SLC38A6: variants seen among roughly 807,000 people sequenced by gnomAD.
SLC38A6 encodes N system amino acid transporter NAT-1.
A neutral mutation model predicts 65.0 loss-of-function variants in SLC38A6; 73 were observed. The observed-to-expected ratio is 1.12, with a 90% CI of 0.93 to 1.37. The LOEUF is 1.37. Among genes scored for constraint, SLC38A6 ranks in the 40% most tolerant of loss-of-function variants. SLC38A6 has a pLI of 0.00. For synonymous variants in SLC38A6, 183 were observed against 178.8 expected, an observed-to-expected ratio of 1.02 and a Z score of -0.19; for missense variants, 561 against 531.1, an observed-to-expected ratio of 1.06 and a Z score of -0.55.
chr14:60,985,713 T>C (rs756037443), intron 3 of SLC38A6, among the ~76,000 whole-genome samples: 23 of 152,222 alleles, frequency 1.5e-4, no homozygotes, highest in Admixed American at 3.9e-4. Flanking sequence ...TGAGGCTGCA[T>C]AATTTATAAA....
At chr14:60,989,565 A>C (rs1036721017) in intron 3 of SLC38A6, among the ~76,000 whole-genome samples, 4 of 152,110 alleles carry the variant, frequency 2.6e-5, no homozygotes, top group Admixed American at 6.5e-5. Context: ...CTCTACAAAA[A>C]AAAATACAAA....
rs1011289822 is a variant in SLC38A6, at chr14:61,045,885, C to CA, written c.825-169dup. Among the ~76,000 whole-genome samples the CA allele has an allele frequency of 5.3e-3, 609 of 115,612 alleles. 6 individuals carry two copies. Among genetic ancestry groups the CA allele is most frequent in the African/African-American group, 0.015 (465 of 31,266 alleles). The allele number at this position is 115,612 out of a possible 152,430, so 75.8% of individuals were successfully genotyped here. On this transcript the variant is annotated intron_variant, in intron 11 of 15. Transcript: ENST00000267488. ...TGGGCGACAGAGCAAGACTCTGTCT[C>CA]AAAAAAAAAAAAAGGAAGAAGTGTA...
intron 3 of SLC38A6, among the ~76,000 whole-genome samples, chr14:61,011,652 G>C (rs1039942864): frequency 9.9e-5 from 15 of 152,126 alleles, no homozygotes; most frequent in Admixed American, 3.9e-4. Flanking sequence ...TGTGGTTTTT[G>C]TCTTTGGCTC....
intron 3 of SLC38A6, chr14:61,004,300 T>A (rs1325439556): frequency 6.6e-6 from 1 of 152,182 alleles, no homozygotes; most frequent in African/African-American, 2.4e-5. Flanking sequence ...GGTTAGCCTT[T>A]TTGATGGGTA....
chr14:61,036,250 A>C (rs547483851), intron 6 of SLC38A6, among the ~76,000 whole-genome samples: 4 of 152,168 alleles, frequency 2.6e-5, no homozygotes, highest in Non-Finnish European at 5.9e-5. Flanking sequence ...TGTTATTTCA[A>C]AATTATCATG....
At chr14:61,012,828 T>A (rs952394027) in intron 3 of SLC38A6, among the ~76,000 whole-genome samples, 1 of 152,160 alleles carries the variant, frequency 6.6e-6, no homozygotes, top group Admixed American at 6.5e-5. Flanking sequence ...TTGGAATAGG[T>A]GTGGTGTGGT....
intron 10 of SLC38A6, among the ~76,000 whole-genome samples, chr14:61,044,521 A>C (rs186779620): frequency 6.6e-6 from 1 of 152,274 alleles, no homozygotes; most frequent in East Asian, 1.9e-4. Context: ...AACCCCCTTC[A>C]GATATTTTAA....
chr14:61,073,154 A>T (rs1009536837), intron 15 of SLC38A6, among the ~76,000 whole-genome samples: 1 of 152,112 alleles, frequency 6.6e-6, no homozygotes, highest in African/African-American at 2.4e-5. Context: ...ACCTTTTCAT[A>T]TGTCTGTTAG....
intron 3 of SLC38A6, among the ~76,000 whole-genome samples, chr14:61,004,026 A>C (rs17834442): frequency 0.24 from 36,101 of 152,104 alleles, 4,694 homozygotes; most frequent in Middle Eastern, 0.3. Context: ...GAGGTTACTA[A>C]AATGTATCCC....
intron 3 of SLC38A6, among the ~76,000 whole-genome samples, chr14:60,994,811 C>G (rs976987907): frequency 6.6e-6 from 1 of 151,638 alleles, no homozygotes; most frequent in Non-Finnish European, 1.5e-5. Context: ...CAAGACCAGC[C>G]TGGCCAACAT....
At chr14:61,030,155 G>A (rs999917052) in intron 5 of SLC38A6, among the ~76,000 whole-genome samples, 1 of 152,098 alleles carries the variant, frequency 6.6e-6, no homozygotes, top group Non-Finnish European at 1.5e-5. Flanking sequence ...TTTAAAAGTA[G>A]CCTGTAATCA....
At chr14:61,026,715 A>G (rs1297177191) in intron 5 of SLC38A6, among the ~76,000 whole-genome samples, 2 of 151,582 alleles carry the variant, frequency 1.3e-5, no homozygotes, top group African/African-American at 4.8e-5. Context: ...TAATAGAACG[A>G]GTTTCTCAAC....
At chr14:61,003,410 G>T (rs987496555) in intron 3 of SLC38A6, among the ~76,000 whole-genome samples, 5 of 151,928 alleles carry the variant, frequency 3.3e-5, no homozygotes, top group Admixed American at 3.3e-4. Flanking sequence ...GAGCATTTAG[G>T]TTAGTTTTGT....
At chr14:61,069,879 G>GT (rs1481673521) in intron 15 of SLC38A6, among the ~76,000 whole-genome samples, 2 of 152,000 alleles carry the variant, frequency 1.3e-5, no homozygotes, top group African/African-American at 4.8e-5. Context: ...ACAACTTTCT[G>GT]TGTTCTTCCC....
At chr14:61,078,558 A>G in intron 15 of SLC38A6, among the ~76,000 whole-genome samples, 1 of 152,182 alleles carries the variant, frequency 6.6e-6, no homozygotes, top group East Asian at 1.9e-4. Flanking sequence ...GCATTGGACT[A>G]GTGCCATCGT....
intron 3 of SLC38A6, among the ~76,000 whole-genome samples, chr14:61,012,408 A>G (rs1209352937): frequency 2.0e-5 from 3 of 151,628 alleles, no homozygotes; most frequent in East Asian, 1.9e-4. Context: ...GATCTTAGTT[A>G]TTTCTTGCCT....
chr14:61,024,637 G>T (rs1161874707), intron 5 of SLC38A6, among the ~76,000 whole-genome samples: 3 of 152,192 alleles, frequency 2.0e-5, no homozygotes, highest in Non-Finnish European at 4.4e-5. Context: ...GTTGTATTAT[G>T]TGATTCTTTT....
chr14:61,050,182 C>T (rs907307174), intron 12 of SLC38A6, among the ~76,000 whole-genome samples: 1 of 152,148 alleles, frequency 6.6e-6, no homozygotes, highest in Non-Finnish European at 1.5e-5. Flanking sequence ...CTAAATTCAA[C>T]AACACGTGTG....
chr14:61,030,558 G>A (rs751688817), intron 6 of SLC38A6, 35 bp downstream of exon 6: 14 of 1,414,900 alleles, frequency 9.9e-6, no homozygotes, highest in Non-Finnish European at 1.4e-5. Flanking sequence ...GTCCGTTCAT[G>A]TATTAATTTG....
Sources: gnomAD v4.1 joint callset for allele counts (sites outside exome capture counted in the v4.1 genomes callset) on GRCh38, gnomAD v4.1.1 for gene constraint, MANE v1.5 for transcripts, NCBI Gene and HGNC (gene_info 2026-07-23, HGNC 2026-07-21) for gene names.